Variants in COLEC10 observed in about 807,000 individuals in gnomAD.
COLEC10 encodes collectin-10.
Under a neutral mutation model 28.4 loss-of-function variants are expected in COLEC10, and 22 were observed. That is an observed-to-expected ratio of 0.78 (90% CI 0.55 to 1.11). COLEC10 has a LOEUF of 1.11. Among genes scored for constraint, COLEC10 ranks in the 50% least tolerant of loss-of-function variants. COLEC10 has a pLI of 0.00. For missense variants in COLEC10, 361 were observed against 344.1 expected (o/e 1.05, Z -0.39); for synonymous variants, 125 against 116.1 (o/e 1.08, Z -0.49).
At chr8:118,980,931 C>T in the COLEC10 span, among the ~76,000 whole-genome samples, 1 of 151,568 alleles carries the variant, frequency 6.6e-6, no homozygotes, top group Admixed American at 6.6e-5. Flanking sequence ...CTAGGGCAAA[C>T]TTTGTTACTT....
At chr8:119,052,042 T>A (rs1563728353) in intron 2 of COLEC10, among the ~76,000 whole-genome samples, 1 of 152,188 alleles carries the variant, frequency 6.6e-6, no homozygotes, top group Non-Finnish European at 1.5e-5. Flanking sequence ...ATGACCTTTC[T>A]GGGGTAACTT....
intron 1 of COLEC10, among the ~76,000 whole-genome samples, chr8:119,088,742 C>A (rs1265550441): frequency 6.6e-6 from 1 of 152,154 alleles, no homozygotes; most frequent in Non-Finnish European, 1.5e-5. Context: ...GATCCGAAAA[C>A]AACTGAGTGA....
intron 2 of COLEC10, among the ~76,000 whole-genome samples, chr8:119,009,795 A>G (rs1196642377): frequency 7.3e-6 from 1 of 137,828 alleles, no homozygotes; most frequent in Non-Finnish European, 1.5e-5. Context: ...CCCAATAGTT[A>G]TAATAAAAGA....
At chr8:118,997,473 T>A (rs1813609156) in intron 1 of COLEC10, among the ~76,000 whole-genome samples, 1 of 152,072 alleles carries the variant, frequency 6.6e-6, no homozygotes, top group Admixed American at 6.6e-5. Context: ...TCATTTTGAG[T>A]TTAGTTTTGT....
the COLEC10 span, among the ~76,000 whole-genome samples, chr8:118,965,065 A>G: frequency 6.6e-6 from 1 of 152,212 alleles, no homozygotes; most frequent in Admixed American, 6.5e-5. Flanking sequence ...TGGATTAACC[A>G]GATATCTTTC....
chr8:118,984,425 A>AC, the COLEC10 span, among the ~76,000 whole-genome samples: 2 of 151,882 alleles, frequency 1.3e-5, no homozygotes, highest in African/African-American at 4.8e-5. Flanking sequence ...TATATAACAC[A>AC]CCCCCATGAC....
upstream of COLEC10, among the ~76,000 whole-genome samples, chr8:119,062,782 G>C (rs1260422590): frequency 3.3e-5 from 5 of 151,998 alleles, no homozygotes; most frequent in African/African-American, 1.2e-4. Context: ...GCCTAGCCTT[G>C]ATTTTTTAAA....
At chr8:118,974,093 T>G in the COLEC10 span, among the ~76,000 whole-genome samples, 1 of 151,922 alleles carries the variant, frequency 6.6e-6, no homozygotes, top group Non-Finnish European at 1.5e-5. Context: ...AATGTCACCT[T>G]TCTAAAAGGC....
At chr8:119,103,764 C>T in intron 4 of COLEC10, 36 bp from the exon 5 acceptor site, 1 of 1,315,284 alleles carries the variant, frequency 7.6e-7, no homozygotes, top group Non-Finnish European at 1.1e-6. Flanking sequence ...TCTGCAGGTA[C>T]TTCAACATGA....
the COLEC10 span, among the ~76,000 whole-genome samples, chr8:118,968,438 G>A: frequency 1.1e-4 from 17 of 151,900 alleles, no homozygotes; most frequent in Admixed American, 2.6e-4. Context: ...ATTTGCCATA[G>A]AACTCCTTTA....
At chr8:119,054,447 G>A (rs1267200781) in intron 2 of COLEC10, among the ~76,000 whole-genome samples, 2 of 152,074 alleles carry the variant, frequency 1.3e-5, no homozygotes, top group Non-Finnish European at 2.9e-5. Flanking sequence ...TAAAAGATAA[G>A]TGATGATGAT....
chr8:119,003,752 T>C (rs549696722), intron 1 of COLEC10, among the ~76,000 whole-genome samples: 2 of 152,178 alleles, frequency 1.3e-5, no homozygotes, highest in South Asian at 2.1e-4. Context: ...ATCTCTAAAA[T>C]TGGAATAATT....
the COLEC10 span, among the ~76,000 whole-genome samples, chr8:118,983,211 C>T: frequency 6.6e-6 from 1 of 152,114 alleles, no homozygotes; most frequent in Non-Finnish European, 1.5e-5. Flanking sequence ...CTCAACTGAT[C>T]AGTTATTTCA....
chr8:118,967,092 A>G, the COLEC10 span, among the ~76,000 whole-genome samples: 3 of 152,058 alleles, frequency 2.0e-5, no homozygotes, highest in African/African-American at 7.2e-5. Flanking sequence ...ACACAGGGAA[A>G]TGGTTTTACC....
chr8:119,059,277 C>T (rs746131368), intron 2 of COLEC10, among the ~76,000 whole-genome samples: 2 of 151,064 alleles, frequency 1.3e-5, no homozygotes, highest in Non-Finnish European at 3.0e-5. Context: ...GAAACTTCTA[C>T]ATAACCCAAG....
At chr8:119,002,505 T>C (rs570991988) in intron 1 of COLEC10, among the ~76,000 whole-genome samples, 2 of 152,130 alleles carry the variant, frequency 1.3e-5, no homozygotes, top group Admixed American at 1.3e-4. Flanking sequence ...TCAAAAGAAA[T>C]TGAACAACTC....
chr8:118,976,288 C>T, the COLEC10 span, among the ~76,000 whole-genome samples: 4 of 152,106 alleles, frequency 2.6e-5, no homozygotes, highest in Admixed American at 2.6e-4. Context: ...ACACAAAATA[C>T]ATAAAAAGTA....
chr8:119,050,061 A>G (rs1044439098), intron 2 of COLEC10, among the ~76,000 whole-genome samples: 2 of 152,014 alleles, frequency 1.3e-5, no homozygotes, highest in Non-Finnish European at 2.9e-5. Flanking sequence ...CTTCAAAGCA[A>G]CTCTTTCCTG....
chr8:118,955,454 G>A, the COLEC10 span, among the ~76,000 whole-genome samples: 3 of 152,196 alleles, frequency 2.0e-5, no homozygotes, highest in African/African-American at 4.8e-5. Context: ...CTAGGGGTAA[G>A]TAGTTGCTAC....
Sources: gnomAD v4.1 joint callset for allele counts (sites outside exome capture counted in the v4.1 genomes callset) on GRCh38, gnomAD v4.1.1 for gene constraint, MANE v1.5 for transcripts, NCBI Gene and HGNC (gene_info 2026-07-23, HGNC 2026-07-21) for gene names.